Variants in PITPNM2 observed in about 807,000 individuals in gnomAD.
PITPNM2 encodes membrane-associated phosphatidylinositol transfer protein 2.
In PITPNM2, 35 loss-of-function variants were observed where a neutral mutation model predicts 132.2. The ratio of observed to expected loss-of-function variants is 0.26; its 90% CI spans 0.20 to 0.35. The LOEUF (loss-of-function observed/expected upper bound fraction) is 0.35. Ranked by LOEUF, PITPNM2 falls within the 10% of genes least tolerant of loss-of-function variation. The pLI, the probability that PITPNM2 is intolerant of heterozygous loss-of-function variation, is 1.00. For missense variants in PITPNM2, 1,332 were observed against 1,912.0 expected, an observed-to-expected ratio of 0.70 and a Z score of 5.66; for synonymous variants, 738 against 799.2, an observed-to-expected ratio of 0.92 and a Z score of 1.29.
At chr12:123,125,080 C>T (rs997465802) in intron 1 of PITPNM2, among the ~76,000 whole-genome samples, 3 of 152,164 alleles carry the variant, frequency 2.0e-5, no homozygotes, top group African/African-American at 4.8e-5. Flanking sequence ...GCCTCAGCCT[C>T]CCAAGTAGCT....
chr12:122,997,555 C>A lies in PITPNM2; in HGVS notation c.1242G>T (p.Pro414=). ...LNIIEDEVSQ[P]LAAPPSKIHV... is the part of the protein sequence containing the mutation. ...GGATCTTGGAGGGCGGTGCAGCCAGCGGCTGGCTAACCTCGTCCTGCATGG... is the reference window on the plus strand; with the variant it reads ...GGATCTTGGAGGGCGGTGCAGCCAGAGGCTGGCTAACCTCGTCCTGCATGG... The change falls in exon 11 of 26, where the codon CCG becomes CCT. Residue 414 remains proline (P), a synonymous_variant. Coordinates refer to ENST00000320201, the MANE Select transcript of PITPNM2 (RefSeq NM_020845.3). 1 of 1,611,924 alleles carries A rather than the reference C, an allele frequency of 6.2e-7. No individual in the cohort carries two copies.
Position 122,987,442 on chromosome 12 carries a change from TG to T in PITPNM2, c.3264-13del. 3 of 1,613,542 alleles carry T rather than the reference TG, an allele frequency of 1.9e-6. No individual in the cohort carries two copies. The highest frequency in any genetic ancestry group is 1.1e-5 in the South Asian group (1 of 91,080). ...ACGTGTGGTCTCCCCTGGCAGGTGG[TG>T]GGGGTGCTCATCAGAACCACCCAGA... On this transcript the variant is annotated splice_polypyrimidine_tract_variant and intron_variant, in intron 22 of 25. Transcript: ENST00000320201.
intron 1 of PITPNM2, among the ~76,000 whole-genome samples, chr12:123,126,702 T>A (rs1207040367): frequency 4.6e-5 from 7 of 151,916 alleles, no homozygotes; most frequent in African/African-American, 1.7e-4. Flanking sequence ...AACAGCCTGA[T>A]TCATGACATT....
At position 123,031,117 on chromosome 12, in the gene PITPNM2, A is replaced by T. The variant is rs2040072864; in HGVS notation, c.78+3396T>A. On this transcript the variant is annotated intron_variant, in intron 3 of 25. Coordinates refer to ENST00000320201, the MANE Select transcript of PITPNM2 (RefSeq NM_020845.3). This position sits in a 1 kb window ranked among gnomAD's most constrained non-coding sequence, Gnocchi z 4.5. ...TAAATGCCACTGAATTGTTCACTTA[A>T]AAATGGTTGTTAATGTTTTGTGAAT... 6.6e-6 allele frequency among the ~76,000 whole-genome samples: 1 copy of T among 152,258 alleles called. No individual in the cohort carries two copies. The highest frequency in any genetic ancestry group is 2.1e-4 in the South Asian group (1 of 4,832).
At chr12:123,021,459 G>A (rs951057021) in intron 3 of PITPNM2, among the ~76,000 whole-genome samples, 2 of 152,220 alleles carry the variant, frequency 1.3e-5, no homozygotes, top group Non-Finnish European at 2.9e-5. Flanking sequence ...AGACTCTAGA[G>A]TAGCTGGGAC....
At position 122,994,740 on chromosome 12, in the gene PITPNM2, G is replaced by T; in HGVS notation, c.2233+61C>A. Reference sequence around the variant, plus strand: ...CATGATCTCATCACAGGGGTCCACTGAGACCCCCGCCCCCGCACCCAGTGC... The same window carrying T: ...CATGATCTCATCACAGGGGTCCACTTAGACCCCCGCCCCCGCACCCAGTGC... On this transcript the variant is annotated intron_variant, in intron 15 of 25. Transcript: ENST00000320201. The surrounding 1 kb of genome is among the most constrained non-coding windows in gnomAD (Gnocchi z 5.4). The T allele has an allele frequency of 6.6e-7, 1 of 1,514,360 alleles. No individual in the cohort carries two copies. Among genetic ancestry groups the T allele is most frequent in the East Asian group, 2.3e-5 (1 of 42,994 alleles). The allele number at this position is 1,514,360 out of a possible 1,614,324, so 93.8% of individuals were successfully genotyped here.
intron 1 of PITPNM2, among the ~76,000 whole-genome samples, chr12:123,112,664 G>C (rs536238682): frequency 4.0e-5 from 6 of 151,578 alleles, no homozygotes; most frequent in Admixed American, 2.0e-4. Context: ...TCAGCCTCCT[G>C]AGTAGCTGGG....
At chr12:123,002,451 C>T (rs1222435128) in intron 8 of PITPNM2, among the ~76,000 whole-genome samples, 3 of 152,226 alleles carry the variant, frequency 2.0e-5, no homozygotes, top group African/African-American at 4.8e-5. Flanking sequence ...CTTGCTTTGA[C>T]GCCCAGGCTG....
At chr12:123,105,880 G>A (rs1397182552) in intron 2 of PITPNM2, among the ~76,000 whole-genome samples, 2 of 152,224 alleles carry the variant, frequency 1.3e-5, no homozygotes, top group African/African-American at 4.8e-5. Context: ...TGCAGGCAGA[G>A]ATGTAGAGAA....
chr12:123,130,762 A>C (rs769688228), intron 1 of PITPNM2, among the ~76,000 whole-genome samples: 2 of 152,198 alleles, frequency 1.3e-5, no homozygotes, highest in Non-Finnish European at 2.9e-5. Context: ...CCTGGGTGAC[A>C]GAGCGAGACT....
At chr12:123,126,031 A>G (rs1283092375) in intron 1 of PITPNM2, among the ~76,000 whole-genome samples, 1 of 150,568 alleles carries the variant, frequency 6.6e-6, no homozygotes, top group Admixed American at 6.6e-5. Context: ...CACCACGCCC[A>G]GCTAATTTTT....
chr12:123,000,070 A>C lies in PITPNM2; in HGVS notation c.1224+708T>G, dbSNP rs2038591241. 6.6e-6 allele frequency among the ~76,000 whole-genome samples: 1 copy of C among 152,074 alleles called. No individual in the cohort carries two copies. Among genetic ancestry groups the C allele is most frequent in the Non-Finnish European group, 1.5e-5 (1 of 68,000 alleles). ...ACCACAGGAGGGGGAGGCTGTGTGG[A>C]TGTCCCTCCTCCTCCCCGCCTAGAT... On this transcript the variant is annotated intron_variant, in intron 10 of 25. Transcript: ENST00000320201. This position sits in a 1 kb window ranked among gnomAD's most constrained non-coding sequence, Gnocchi z 5.4.
At chr12:123,067,453 TCACACACACACACACACA>T (rs55716436) in intron 2 of PITPNM2, among the ~76,000 whole-genome samples, 56 of 136,742 alleles carry the variant, frequency 4.1e-4, no homozygotes, top group Admixed American at 1.9e-3. Flanking sequence ...TGAAACTCCA[TCACACACACACACACACA>T]CACACACACA....
intron 2 of PITPNM2, among the ~76,000 whole-genome samples, chr12:123,063,837 G>T (rs755339840): frequency 6.6e-6 from 1 of 152,168 alleles, no homozygotes; most frequent in African/African-American, 2.4e-5. Flanking sequence ...AACTCTCTGA[G>T]CCTCAGTTCT....
At chr12:123,134,763 A>C (rs1219095259) in intron 1 of PITPNM2, among the ~76,000 whole-genome samples, 3 of 152,202 alleles carry the variant, frequency 2.0e-5, no homozygotes, top group Non-Finnish European at 4.4e-5. Flanking sequence ...CAAAAGCAGC[A>C]CTTTAACATA....
At chr12:123,025,911 G>T (rs2039848234) in intron 3 of PITPNM2, among the ~76,000 whole-genome samples, 1 of 152,300 alleles carries the variant, frequency 6.6e-6, no homozygotes, top group East Asian at 1.9e-4. Context: ...CCAAGTCACA[G>T]ATGAGACGAT....
intron 2 of PITPNM2, among the ~76,000 whole-genome samples, chr12:123,055,062 CA>C (rs1235682346): frequency 2.0e-5 from 3 of 150,412 alleles, no homozygotes; most frequent in Admixed American, 6.6e-5. Context: ...AACTCAGTCT[CA>C]AAAAAAAGAA....
At chr12:123,068,238 T>G (rs370215436) in intron 2 of PITPNM2, among the ~76,000 whole-genome samples, 1 of 151,882 alleles carries the variant, frequency 6.6e-6, no homozygotes, top group Non-Finnish European at 1.5e-5. Context: ...GAGGCCAAGG[T>G]GGGCGGATCA....
rs1246585826 is a variant in PITPNM2 at position 122,992,371 on chromosome 12, A to C, written c.2404+128T>G. On this transcript the variant is annotated intron_variant, in intron 16 of 25. Coordinates refer to ENST00000320201, the MANE Select transcript of PITPNM2 (RefSeq NM_020845.3). This position sits in a 1 kb window ranked among gnomAD's most constrained non-coding sequence, Gnocchi z 6.5. ...CCACCCCCAACAGCTGTCCACCTCC[A>C]AGAGGCATTCAGCACAAGCTGTCCC... 3 of 624,304 alleles carry C rather than the reference A, an allele frequency of 4.8e-6. No homozygotes were observed. Among genetic ancestry groups the C allele is most frequent in the African/African-American group, 2.3e-5 (1 of 43,882 alleles). 38.7% of individuals were successfully genotyped at this position (624,304 alleles called of 1,614,324 possible).
Sources: allele counts gnomAD v4.1 joint callset (sites outside exome capture counted in the v4.1 genomes callset), GRCh38; gene constraint gnomAD v4.1.1; non-coding constraint Gnocchi (gnomAD v3.1); transcripts MANE v1.5; gene names NCBI Gene and HGNC (gene_info 2026-07-23, HGNC 2026-07-21).